NEK5: variants seen among roughly 807,000 people sequenced by gnomAD.
NEK5 encodes NIMA related kinase 5.
In NEK5, 88 loss-of-function variants were observed where a neutral mutation model predicts 109.2. The observed-to-expected ratio is 0.81, with a 90% CI of 0.68 to 0.96. NEK5 has a LOEUF of 0.96. Among genes scored for constraint, NEK5 ranks in the 40% least tolerant of loss-of-function variants. The pLI, the probability that NEK5 is intolerant of heterozygous loss-of-function variation, is 0.00. For missense variants in NEK5, 834 were observed against 920.7 expected, an observed-to-expected ratio of 0.91 and a Z score of 1.22; for synonymous variants, 283 against 299.9, an observed-to-expected ratio of 0.94 and a Z score of 0.58.
At chr13:52,062,342 G>A (rs1245964198) in intron 21 of NEK5, among the ~76,000 whole-genome samples, 1 of 152,082 alleles carries the variant, frequency 6.6e-6, no homozygotes, top group Non-Finnish European at 1.5e-5. Flanking sequence ...AAGAACATAG[G>A]AAATAAGTAA....
intron 22 of NEK5, among the ~76,000 whole-genome samples, chr13:52,051,997 C>T (rs1205918769): frequency 6.6e-6 from 1 of 152,094 alleles, no homozygotes. Flanking sequence ...ATTCACTGAG[C>T]CAGACTAAAT....
At chr13:52,042,393 TATA>T (rs1165282145) in intron 23 of NEK5, among the ~76,000 whole-genome samples, 3 of 150,250 alleles carry the variant, frequency 2.0e-5, no homozygotes, top group Non-Finnish European at 4.4e-5. Flanking sequence ...TAATAATATA[TATA>T]ATATTTTTGT....
chr13:52,097,006 G>A (rs1463834171), intron 12 of NEK5, among the ~76,000 whole-genome samples: 5 of 152,158 alleles, frequency 3.3e-5, no homozygotes, highest in African/African-American at 1.2e-4. Context: ...TGGTTAAAAC[G>A]GCCCAAGGTA....
chr13:52,048,221 T>G (rs1427469916), intron 23 of NEK5, among the ~76,000 whole-genome samples: 1 of 152,210 alleles, frequency 6.6e-6, no homozygotes, highest in Non-Finnish European at 1.5e-5. Flanking sequence ...ATACTTCATA[T>G]GTATTGAAAC....
chr13:52,043,894 C>G (rs915827799), intron 23 of NEK5, among the ~76,000 whole-genome samples: 6 of 152,190 alleles, frequency 3.9e-5, no homozygotes, highest in African/African-American at 1.4e-4. Context: ...CATTTACCAA[C>G]TGTGATGGTT....
chr13:52,080,823 C>T (rs1954994961), intron 17 of NEK5, among the ~76,000 whole-genome samples: 1 of 151,498 alleles, frequency 6.6e-6, no homozygotes, highest in Non-Finnish European at 1.5e-5. Context: ...TGCTGACCTT[C>T]CCTCCACTGT....
At position 52,108,403 on chromosome 13, in the gene NEK5, A is replaced by G. The variant is rs1442770850; in HGVS notation, c.469T>C (p.Ser157Pro). ...DFGIARVLNN[S>P]MELARTCIGT... ...ATACAAGTTCGAGCAAGTTCCATGG[A>G]ACTAGTAAATTATATTAAATAATAA... Residue 157 changes from serine to proline, a missense_variant and splice_region_variant, in exon 8 of 24, where the codon TCC becomes CCC. By Grantham distance (74) the Ser-to-Pro change is moderately conservative (BLOSUM62 -1). This residue lies in a region of NEK5 where 777 missense variants were observed against 824.7 expected (regional missense o/e 0.94). Transcript: ENST00000684899. The G allele has an allele frequency of 4.4e-6, 7 of 1,573,636 alleles. No individual in the cohort carries two copies. In the Admixed American group the frequency reaches 1.2e-4, roughly 26 times the overall value.
chr13:52,092,994 A>G (rs995791645), intron 13 of NEK5, 60 bp downstream of exon 13: 17 of 1,115,096 alleles, frequency 1.5e-5, no homozygotes, highest in East Asian at 7.5e-5. Context: ...AGAATAATAA[A>G]TGTTAATATA....
intron 20 of NEK5, among the ~76,000 whole-genome samples, chr13:52,066,581 G>A (rs1252172272): frequency 3.3e-5 from 5 of 151,968 alleles, no homozygotes; most frequent in Admixed American, 6.6e-5. Flanking sequence ...CGAGGCGGGC[G>A]GATCACAAGG....
Position 52,093,223 on chromosome 13 carries a change from C to G in NEK5, c.1039G>C (p.Glu347Gln). 3 of 1,611,310 alleles carry G rather than the reference C, an allele frequency of 1.9e-6. No individual in the cohort carries two copies. ...AQKARSIKMI[E>Q]RPKIAAVCGH... ...CAGACAGCAGCAATTTTGGGTCTTT[C>G]TATCATTTTTATCTGAAGAAAACAA... Residue 347 changes from glutamate to glutamine, a missense_variant, in exon 13 of 24, where the codon GAA (glutamate) becomes CAA (glutamine). Glu to Gln is a conservative substitution (Grantham distance 29). This residue lies in a region of NEK5 where 777 missense variants were observed against 824.7 expected (regional missense o/e 0.94). Transcript: ENST00000684899.
chr13:52,092,634 C>T (rs1331325837), intron 13 of NEK5, among the ~76,000 whole-genome samples: 1 of 152,094 alleles, frequency 6.6e-6, no homozygotes, highest in Non-Finnish European at 1.5e-5. Flanking sequence ...GCCTGTAATC[C>T]CAGCACTTTG....
chr13:52,111,498 C>A (rs1955758014), intron 5 of NEK5, among the ~76,000 whole-genome samples: 1 of 152,016 alleles, frequency 6.6e-6, no homozygotes, highest in Non-Finnish European at 1.5e-5. Flanking sequence ...ATTTTTTAAT[C>A]CTTCATATAT....
chr13:52,055,241 T>C (rs1237847212), intron 22 of NEK5, among the ~76,000 whole-genome samples: 1 of 151,594 alleles, frequency 6.6e-6, no homozygotes, highest in Non-Finnish European at 1.5e-5. Flanking sequence ...AGAAGGGAAG[T>C]TTAGAGAAAA....
At chr13:52,114,672 G>A (rs1050383620) in intron 4 of NEK5, among the ~76,000 whole-genome samples, 1 of 152,230 alleles carries the variant, frequency 6.6e-6, no homozygotes, top group Non-Finnish European at 1.5e-5. Context: ...GAAGTCTGTA[G>A]GCTGGAGGGT....
Position 52,036,924 on chromosome 13 carries a change from ATTAC to A in NEK5, c.*20_*23del. On this transcript the variant is annotated 3_prime_UTR_variant, in exon 24 of 24. Transcript: ENST00000684899. ...TACTATAGGTAATAGACACTAACTT[ATTAC>A]TTAAGAAAAAGTACAATAATCACAC... 3.1e-6 allele frequency: 3 copies of A among 976,676 alleles called. No homozygotes were observed. Among genetic ancestry groups the A allele is most frequent in the Non-Finnish European group, 3.7e-6 (3 of 821,910 alleles). 60.5% of individuals were successfully genotyped at this position (976,676 alleles called of 1,614,324 possible). A position where few individuals can be genotyped will look rare whatever the true frequency, so the allele number is the denominator to read the frequency against.
chr13:52,075,304 A>G (rs1954847578), intron 19 of NEK5, among the ~76,000 whole-genome samples: 1 of 152,216 alleles, frequency 6.6e-6, no homozygotes, highest in Non-Finnish European at 1.5e-5. Flanking sequence ...AAAAAGAATG[A>G]AATCATGTCC....
intron 21 of NEK5, among the ~76,000 whole-genome samples, chr13:52,062,388 A>C (rs1300316409): frequency 6.6e-6 from 1 of 151,972 alleles, no homozygotes; most frequent in Non-Finnish European, 1.5e-5. Flanking sequence ...TAACATCCAG[A>C]GGTTGGAGGC....
At chr13:52,057,762 T>A (rs928857387) in intron 22 of NEK5, among the ~76,000 whole-genome samples, 1 of 152,090 alleles carries the variant, frequency 6.6e-6, no homozygotes, top group Non-Finnish European at 1.5e-5. Flanking sequence ...CCCTTCATGC[T>A]AAAAACTCTC....
At chr13:52,121,525 C>T (rs1001630196) in intron 3 of NEK5, among the ~76,000 whole-genome samples, 2 of 152,154 alleles carry the variant, frequency 1.3e-5, no homozygotes, top group African/African-American at 4.8e-5. Flanking sequence ...AGTTCTCATA[C>T]AAAAGACTTT....
Sources: allele counts gnomAD v4.1 joint callset (sites outside exome capture counted in the v4.1 genomes callset), GRCh38; gene constraint gnomAD v4.1.1; regional missense constraint gnomAD v4.1.1; transcripts MANE v1.5; gene names NCBI Gene and HGNC (gene_info 2026-07-23, HGNC 2026-07-21).